CADM2: variants seen among roughly 807,000 people sequenced by gnomAD.
CADM2 encodes cell adhesion molecule 2.
In CADM2, 12 loss-of-function variants were observed where a neutral mutation model predicts 49.8. That is an observed-to-expected ratio of 0.24 (90% confidence interval 0.15 to 0.39). The LOEUF (loss-of-function observed/expected upper bound fraction) is 0.39. Ranked by LOEUF, CADM2 falls within the 10% of genes least tolerant of loss-of-function variation. The pLI, the probability that CADM2 is intolerant of heterozygous loss-of-function variation, is 1.00. For missense variants in CADM2, 378 were observed against 492.3 expected, an observed-to-expected ratio of 0.77 and a Z score of 2.20; for synonymous variants, 214 against 175.4, an observed-to-expected ratio of 1.22 and a Z score of -1.74.
intron 1 of CADM2, among the ~76,000 whole-genome samples, chr3:85,442,232 C>T (rs2037235589): frequency 6.6e-6 from 1 of 151,990 alleles, no homozygotes; most frequent in Non-Finnish European, 1.5e-5. Context: ...GATGTTCTTT[C>T]CTTGTTGCTG....
At chr3:85,437,770 C>A (rs1485023375) in intron 1 of CADM2, among the ~76,000 whole-genome samples, 1 of 151,862 alleles carries the variant, frequency 6.6e-6, no homozygotes, top group South Asian at 2.1e-4. Flanking sequence ...GTTAGCCTCT[C>A]CATTTATTGT....
In CADM2 at chr3:85,559,687, C is replaced by CACAT. The variant is rs1335331798; in HGVS notation, c.62-166834_62-166833insCATA. Among the ~76,000 whole-genome samples, 16 of 49,426 alleles carry CACAT rather than the reference C, an allele frequency of 3.2e-4. 1 individual carries two copies. The South Asian group carries it at 3.4e-3, about 10-fold the overall frequency. The allele number at this position is 49,426 out of a possible 152,430, so 32.4% of individuals were successfully genotyped here. ...ACACACACACACACACACACACACA[C>CACAT]ATATATATATATCACTTTTTAAAAA... On this transcript the variant is annotated intron_variant, in intron 1 of 9. Transcript: ENST00000383699.
At chr3:85,229,372 T>C (rs1439613042) in intron 1 of CADM2, among the ~76,000 whole-genome samples, 3 of 152,136 alleles carry the variant, frequency 2.0e-5, no homozygotes, top group African/African-American at 7.2e-5. Flanking sequence ...CGGCTTCCCT[T>C]GGCTAGGAAA....
At chr3:85,947,002 A>G (rs1305636161) in intron 7 of CADM2, among the ~76,000 whole-genome samples, 1 of 152,144 alleles carries the variant, frequency 6.6e-6, no homozygotes, top group Non-Finnish European at 1.5e-5. Flanking sequence ...CATCAGAGTG[A>G]ACAGGCTACC....
intron 2 of CADM2, among the ~76,000 whole-genome samples, chr3:85,741,891 A>G (rs1213151033): frequency 6.6e-6 from 1 of 152,234 alleles, no homozygotes; most frequent in East Asian, 1.9e-4. Flanking sequence ...TTCATAAATC[A>G]GTTGAATTAT....
At chr3:85,843,568 G>A (rs539184192) in intron 3 of CADM2, among the ~76,000 whole-genome samples, 1 of 152,026 alleles carries the variant, frequency 6.6e-6, no homozygotes, top group Admixed American at 6.6e-5. Flanking sequence ...ATGAGGTTTT[G>A]TAACCATCCC....
chr3:85,944,693 A>G (rs1472904261), intron 7 of CADM2, among the ~76,000 whole-genome samples: 1 of 152,194 alleles, frequency 6.6e-6, no homozygotes, highest in Non-Finnish European at 1.5e-5. Flanking sequence ...ACATAATGAA[A>G]TGAAGGCAGA....
At chr3:85,687,453 G>A (rs1025307697) in intron 1 of CADM2, among the ~76,000 whole-genome samples, 9 of 152,062 alleles carry the variant, frequency 5.9e-5, no homozygotes, top group African/African-American at 1.9e-4. Context: ...ATTAAAAATT[G>A]TGGTAAAGGG....
At chr3:85,285,141 G>A (rs1342280503) in intron 1 of CADM2, among the ~76,000 whole-genome samples, 1 of 152,080 alleles carries the variant, frequency 6.6e-6, no homozygotes, top group Non-Finnish European at 1.5e-5. Context: ...GCTATTTACT[G>A]GCAATTGGAA....
intron 1 of CADM2, among the ~76,000 whole-genome samples, chr3:85,470,291 G>A (rs1288476109): frequency 6.6e-6 from 1 of 152,152 alleles, no homozygotes; most frequent in Non-Finnish European, 1.5e-5. Flanking sequence ...CATATAAGGA[G>A]TTAGCAAGCA....
chr3:85,568,473 C>CTCTT (rs34480650), intron 1 of CADM2, among the ~76,000 whole-genome samples: 712 of 27,580 alleles, frequency 0.026, 82 homozygotes, highest in African/African-American at 0.047. Context: ...CTCTTTCTCT[C>CTCTT]TCTTTCTTTC....
intron 3 of CADM2, among the ~76,000 whole-genome samples, chr3:85,835,712 G>C (rs961583961): frequency 6.8e-6 from 1 of 147,326 alleles, no homozygotes; most frequent in African/African-American, 2.5e-5. Context: ...ATATATGTAT[G>C]TGTATGTGTA....
chr3:85,793,322 C>T (rs772178554), intron 2 of CADM2, among the ~76,000 whole-genome samples: 1 of 152,050 alleles, frequency 6.6e-6, no homozygotes, highest in African/African-American at 2.4e-5. Flanking sequence ...TTAGAGAGAA[C>T]TAAACTTGGC....
At chr3:85,957,036 T>C (rs1354688445) in intron 7 of CADM2, among the ~76,000 whole-genome samples, 1 of 151,718 alleles carries the variant, frequency 6.6e-6, no homozygotes, top group African/African-American at 2.4e-5. Context: ...ACTTCTATTT[T>C]AATATGGGTC....
intron 1 of CADM2, among the ~76,000 whole-genome samples, chr3:85,046,559 G>A (rs1005945217): frequency 6.6e-6 from 1 of 151,722 alleles, no homozygotes; most frequent in Non-Finnish European, 1.5e-5. Flanking sequence ...ATGCAAATTT[G>A]CCTTATCTCT....
chr3:85,006,219 C>A (rs1247763618), intron 1 of CADM2, among the ~76,000 whole-genome samples: 1 of 152,044 alleles, frequency 6.6e-6, no homozygotes, highest in African/African-American at 2.4e-5. Context: ...GAGTTATGAA[C>A]AGAGACAAGC....
chr3:85,923,259 C>G (rs1247380462), intron 6 of CADM2, among the ~76,000 whole-genome samples: 1 of 152,072 alleles, frequency 6.6e-6, no homozygotes, highest in East Asian at 1.9e-4. Flanking sequence ...TTCCTTTCAG[C>G]AAAATCATAT....
At chr3:85,830,459 T>C (rs1414250122) in intron 3 of CADM2, among the ~76,000 whole-genome samples, 1 of 152,042 alleles carries the variant, frequency 6.6e-6, no homozygotes, top group Non-Finnish European at 1.5e-5. Flanking sequence ...AAATAGTTTC[T>C]ACCATCCCAT....
chr3:85,678,141 G>A (rs1352626765), intron 1 of CADM2, among the ~76,000 whole-genome samples: 1 of 152,228 alleles, frequency 6.6e-6, no homozygotes, highest in African/African-American at 2.4e-5. Context: ...AGAGATCCAT[G>A]TGGACTAATG....
Sources: allele counts gnomAD v4.1 joint callset (sites outside exome capture counted in the v4.1 genomes callset), GRCh38; gene constraint gnomAD v4.1.1; transcripts MANE v1.5; gene names NCBI Gene and HGNC (gene_info 2026-07-23, HGNC 2026-07-21).